The following ALDH4A1 variants were observed in gnomAD, a reference collection of about 807,000 sequenced individuals.
ALDH4A1 encodes delta-1-pyrroline-5-carboxylate dehydrogenase, mitochondrial.
In ALDH4A1, 46 loss-of-function variants were observed where a neutral mutation model predicts 70.5. The ratio of observed to expected loss-of-function variants is 0.65; its 90% CI spans 0.51 to 0.83. The LOEUF (loss-of-function observed/expected upper bound fraction) is 0.83, where lower values mean the gene tolerates loss of function less well. ALDH4A1 is among the 40% of genes least tolerant of loss of function. The pLI, the probability that ALDH4A1 is intolerant of heterozygous loss-of-function variation, is 0.00. For synonymous variants in ALDH4A1, 323 were observed against 324.3 expected, an observed-to-expected ratio of 1.00 and a Z score of 0.04; for missense variants, 749 against 766.5, an observed-to-expected ratio of 0.98 and a Z score of 0.27.
intron 8 of ALDH4A1, among the ~76,000 whole-genome samples, chr1:18,879,847 G>T (rs1934894754): frequency 6.6e-6 from 1 of 152,188 alleles, no homozygotes; most frequent in Admixed American, 6.5e-5. Flanking sequence ...ACCGAGGAGA[G>T]TCCTGGGAGA....
intron 3 of ALDH4A1, among the ~76,000 whole-genome samples, chr1:18,887,043 A>G (rs560765158): frequency 2.3e-3 from 349 of 152,336 alleles, no homozygotes; most frequent in African/African-American, 7.8e-3. Flanking sequence ...GTGTTGTGAC[A>G]TGCTTGGGAC....
intron 4 of ALDH4A1, 38 bp downstream of exon 4, chr1:18,886,425 AC>A (rs1935203948): frequency 1.2e-6 from 2 of 1,611,360 alleles, no homozygotes; most frequent in African/African-American, 1.3e-5. Flanking sequence ...AGGGGCAGCA[AC>A]CCTAACCCCG....
At chr1:18,889,243 G>T in intron 3 of ALDH4A1, 119 bp downstream of exon 3, 1 of 897,952 alleles carries the variant, frequency 1.1e-6, no homozygotes, top group Non-Finnish European at 1.8e-6. Flanking sequence ...TCTGGGGTGG[G>T]GAGGGGCACT....
chr1:18,876,515 C>T (rs1934692741), intron 11 of ALDH4A1, 48 bp from the exon 12 acceptor site: 2 of 1,530,892 alleles, frequency 1.3e-6, no homozygotes, highest in East Asian at 4.9e-5. Flanking sequence ...GGAAGGCATC[C>T]CTGCGGCAGC....
At chr1:18,878,211 G>A (rs565876522) in intron 9 of ALDH4A1, among the ~76,000 whole-genome samples, 1 of 152,318 alleles carries the variant, frequency 6.6e-6, no homozygotes, top group South Asian at 2.1e-4. Context: ...TCTGGACGAA[G>A]TACGCTGTGC....
Position 18,872,856 on chromosome 1 carries a change from A to T in ALDH4A1, c.1681T>A (p.Tyr561Asn), listed in dbSNP as rs528211463. Reference sequence around the variant, plus strand: ...AGCCCGAGAGGGGCTCACTGCATGTACGCGTAGCTCCAGTCCCCCAGGGGC... The same window carrying T: ...AGCCCGAGAGGGGCTCACTGCATGTTCGCGTAGCTCCAGTCCCCCAGGGGC... ...HKPLGDWSYA[Y>N]MQ Residue 561 changes from tyrosine to asparagine, a missense_variant, in exon 15 of 15, where the codon TAC becomes AAC. Physicochemically the swap from Tyr to Asn is moderately radical, Grantham distance 143 (BLOSUM62 -2). Coordinates refer to ENST00000375341, the MANE Select transcript of ALDH4A1 (RefSeq NM_003748.4). 293 of 1,613,600 alleles carry T rather than the reference A, an allele frequency of 1.8e-4. No homozygotes were observed. Among genetic ancestry groups the T allele is most frequent in the Non-Finnish European group, 2.4e-4 (279 of 1,179,902 alleles).
At chr1:18,892,730 C>A (rs991617888) in intron 1 of ALDH4A1, among the ~76,000 whole-genome samples, 1 of 151,990 alleles carries the variant, frequency 6.6e-6, no homozygotes, top group Non-Finnish European at 1.5e-5. Flanking sequence ...CCCCACTCTG[C>A]CTCCCACTAG....
intron 3 of ALDH4A1, among the ~76,000 whole-genome samples, chr1:18,887,214 G>A (rs568500298): frequency 1.3e-5 from 2 of 152,204 alleles, no homozygotes; most frequent in Non-Finnish European, 2.9e-5. Flanking sequence ...TGCAGACCTC[G>A]GGCCAAGTGA....
In ALDH4A1 at chr1:18,877,572, G is replaced by T; in HGVS notation, c.981C>A (p.Ala327=). ...TCCCGCTCACCACGCTCTCCACGTC[G>T]GCCGAGCGGTGCACGAAGTGGAAGT... is the stretch of plus-strand genomic sequence containing the variant. ...GKNFHFVHRS[A]DVESVVSGTL... Residue 327 remains alanine (A), a synonymous_variant, in exon 10 of 15, where the codon GCC becomes GCA. Coordinates refer to ENST00000375341, the MANE Select transcript of ALDH4A1 (RefSeq NM_003748.4). The T allele has an allele frequency of 1.3e-5, 21 of 1,611,218 alleles. No individual in the cohort carries two copies. Among genetic ancestry groups the T allele is most frequent in the Non-Finnish European group, 1.8e-5 (21 of 1,179,500 alleles).
chr1:18,872,791 T>A lies in ALDH4A1; in HGVS notation c.*54A>T. 7.0e-7 allele frequency: 1 copy of A among 1,421,248 alleles called. No individual in the cohort carries two copies. The highest frequency in any genetic ancestry group is 9.9e-7 in the Non-Finnish European group (1 of 1,011,764). 88.0% of individuals were successfully genotyped at this position (1,421,248 alleles called of 1,614,324 possible). A position where few individuals can be genotyped will look rare whatever the true frequency, so the allele number is the denominator to read the frequency against. ...AGGGGCTGGAGTGGGGTCTGTGCAG[T>A]GAGGTCGGCCACCTGGACGGACAGA... On this transcript the variant is annotated 3_prime_UTR_variant, in exon 15 of 15. Coordinates refer to ENST00000375341, the MANE Select transcript of ALDH4A1 (RefSeq NM_003748.4).
chr1:18,897,021 G>C (rs1307767819), intron 1 of ALDH4A1: 1 of 528,966 alleles, frequency 1.9e-6, no homozygotes, highest in Non-Finnish European at 3.9e-6. Flanking sequence ...AGTGAGACAG[G>C]ATCATCTCAC....
chr1:18,881,662 C>T (rs1290523702), intron 8 of ALDH4A1, 38 bp downstream of exon 8: 2 of 1,183,388 alleles, frequency 1.7e-6, no homozygotes, highest in Middle Eastern at 2.1e-4. Context: ...GTGAACGTCC[C>T]CTAGCCACCA....
chr1:18,883,459 A>T, intron 5 of ALDH4A1, 31 bp from the exon 6 acceptor site: 1 of 1,612,404 alleles, frequency 6.2e-7, no homozygotes, highest in Non-Finnish European at 8.5e-7. Context: ...GGTCAGGAGC[A>T]GCCAACAGCC....
At position 18,899,535 on chromosome 1, in the gene ALDH4A1, G is replaced by A. The variant is rs530963128; in HGVS notation, c.62+2927C>T. Among the ~76,000 whole-genome samples the A allele has an allele frequency of 1.4e-4, 21 of 152,086 alleles. No homozygotes were observed. The South Asian group carries it at 1.5e-3, about 11-fold the overall frequency. On this transcript the variant is annotated intron_variant, in intron 1 of 14. Coordinates refer to ENST00000375341, the MANE Select transcript of ALDH4A1 (RefSeq NM_003748.4). ...GAGGATACTGATGGTAAAGTTGATT[G>A]AGAAAAAAACAGGAAGTCAGGGTTA...
chr1:18,885,865 C>G (rs1191354042), intron 4 of ALDH4A1, among the ~76,000 whole-genome samples: 1 of 152,198 alleles, frequency 6.6e-6, no homozygotes, highest in African/African-American at 2.4e-5. Flanking sequence ...TCTCCGAGGC[C>G]TTGGCACTGA....
intron 13 of ALDH4A1, among the ~76,000 whole-genome samples, chr1:18,874,905 C>G (rs1934606511): frequency 2.0e-5 from 3 of 152,232 alleles, no homozygotes; most frequent in Admixed American, 2.0e-4. Context: ...CACACCCTTC[C>G]TCCCTCTCCA....
chr1:18,879,171 G>T, intron 9 of ALDH4A1, 129 bp downstream of exon 9: 1 of 897,010 alleles, frequency 1.1e-6, no homozygotes, highest in Non-Finnish European at 1.8e-6. Flanking sequence ...CTACTGGGCA[G>T]TGCTGGTGCC....
chr1:18,882,334 C>G (rs371575318), intron 7 of ALDH4A1, among the ~76,000 whole-genome samples: 6 of 152,184 alleles, frequency 3.9e-5, no homozygotes, highest in African/African-American at 1.4e-4. Flanking sequence ...AGGACGTCCC[C>G]ATCCATGTCC....
intron 8 of ALDH4A1, among the ~76,000 whole-genome samples, chr1:18,879,591 G>A (rs895634539): frequency 6.6e-6 from 1 of 152,300 alleles, no homozygotes; most frequent in African/African-American, 2.4e-5. Context: ...TCTGCAGCCA[G>A]GAGGACACTA....
Sources: gnomAD v4.1 joint callset for allele counts (sites outside exome capture counted in the v4.1 genomes callset) on GRCh38, gnomAD v4.1.1 for gene constraint, MANE v1.5 for transcripts, NCBI Gene and HGNC (gene_info 2026-07-23, HGNC 2026-07-21) for gene names.